Variants in CLCA1 observed in about 807,000 individuals in gnomAD.
CLCA1 encodes the protein calcium-activated chloride channel regulator 1.
In CLCA1, 59 loss-of-function variants were observed where a neutral mutation model predicts 85.6. The observed-to-expected ratio is 0.69, with a 90% CI of 0.56 to 0.86. The LOEUF (loss-of-function observed/expected upper bound fraction) is 0.86. Among genes scored for constraint, CLCA1 ranks in the 40% least tolerant of loss-of-function variants. The probability of loss-of-function intolerance (pLI) is 0.00; values close to 1 mark genes in which losing one functional copy is unlikely to be tolerated. For missense variants in CLCA1, 1,022 were observed against 1,101.4 expected (o/e 0.93, Z 1.02); for synonymous variants, 396 against 398.3 (o/e 0.99, Z 0.07).
intron 4 of CLCA1, among the ~76,000 whole-genome samples, chr1:86,477,960 C>T (rs930811456): frequency 6.6e-6 from 1 of 152,218 alleles, no homozygotes; most frequent in Non-Finnish European, 1.5e-5. Flanking sequence ...TCCTAACTGT[C>T]TTGACCTAGT....
chr1:86,476,806 TA>T (rs963376096), intron 4 of CLCA1, among the ~76,000 whole-genome samples: 4 of 152,138 alleles, frequency 2.6e-5, no homozygotes, highest in Admixed American at 6.5e-5. Flanking sequence ...GTACCAACTA[TA>T]AAAAATCTAC....
At chr1:86,474,486 G>A (rs1647591213) in intron 3 of CLCA1, among the ~76,000 whole-genome samples, 1 of 151,906 alleles carries the variant, frequency 6.6e-6, no homozygotes, top group South Asian at 2.1e-4. Flanking sequence ...CCCGGGAGGC[G>A]GAGGTTGTAG....
chr1:86,471,932 A>G (rs1393424809), intron 1 of CLCA1, among the ~76,000 whole-genome samples: 1 of 152,028 alleles, frequency 6.6e-6, no homozygotes, highest in Non-Finnish European at 1.5e-5. Context: ...TCTGCTCCTA[A>G]CACGACCCCC....
At chr1:86,482,106 G>T in intron 4 of CLCA1, 99 bp from the exon 5 acceptor site, 1 of 833,082 alleles carries the variant, frequency 1.2e-6, no homozygotes, top group Non-Finnish European at 1.9e-6. Flanking sequence ...GATCATGAGA[G>T]GAAAATCACA....
intron 5 of CLCA1, among the ~76,000 whole-genome samples, chr1:86,483,163 A>G (rs578115863): frequency 2.6e-5 from 4 of 152,318 alleles, no homozygotes; most frequent in African/African-American, 9.6e-5. Context: ...TCGTCCTTCA[A>G]TTTGGCATTG....
chr1:86,488,011 A>G (rs1648029105), intron 7 of CLCA1, among the ~76,000 whole-genome samples: 1 of 152,242 alleles, frequency 6.6e-6, no homozygotes. Context: ...AGCAACAGCA[A>G]CAGTCACTGT....
intron 12 of CLCA1, among the ~76,000 whole-genome samples, chr1:86,496,560 C>A (rs1362374613): frequency 6.6e-6 from 1 of 152,176 alleles, no homozygotes; most frequent in Non-Finnish European, 1.5e-5. Context: ...TCAATCTCCA[C>A]CCTGTCCTGG....
chr1:86,487,418 G>C (rs778765030), intron 7 of CLCA1, among the ~76,000 whole-genome samples: 1 of 150,636 alleles, frequency 6.6e-6, no homozygotes, highest in African/African-American at 2.4e-5. Flanking sequence ...TCAGATGAGC[G>C]AGAGAGAGAG....
chr1:86,475,184 C>T lies in CLCA1; in HGVS notation c.452-1264C>T, dbSNP rs551675184. Among the ~76,000 whole-genome samples the T allele has an allele frequency of 2.4e-4, 36 of 152,310 alleles. 1 individual carries two copies. Among genetic ancestry groups the T allele is most frequent in the African/African-American group, 8.2e-4 (34 of 41,574 alleles). On this transcript the variant is annotated intron_variant, in intron 3 of 13. Transcript: ENST00000394711. The stretch of plus-strand genomic sequence containing the variant: ...CCAGCCATCATGATCATATATAAAA[C>T]CATTCCTTAATAGTGTTTCCTTTCT...
rs1321441998 is a variant in CLCA1, at chr1:86,488,986, C to A, written c.1183-10C>A. ...AGTCTGATAACTCGTGCCCTAAATT[C>A]TGTCCTTAGGTGATTAGGAAGAAAT... is the stretch of plus-strand genomic sequence containing the variant. On this transcript the variant is annotated splice_polypyrimidine_tract_variant and intron_variant, in intron 7 of 13. Transcript: ENST00000394711. 6.2e-7 allele frequency: 1 copy of A among 1,610,210 alleles called. No homozygotes were observed. The highest frequency in any genetic ancestry group is 8.5e-7 in the Non-Finnish European group (1 of 1,177,628).
At chr1:86,489,451 T>A (rs975301476) in intron 8 of CLCA1, among the ~76,000 whole-genome samples, 1 of 152,204 alleles carries the variant, frequency 6.6e-6, no homozygotes, top group Admixed American at 6.5e-5. Flanking sequence ...TCCTTTCCAG[T>A]GGCAGCTGGC....
intron 1 of CLCA1, among the ~76,000 whole-genome samples, chr1:86,471,405 C>T (rs1278967198): frequency 6.6e-6 from 1 of 152,182 alleles, no homozygotes; most frequent in Non-Finnish European, 1.5e-5. Flanking sequence ...CACCCCCAAC[C>T]TTCTCTCAGC....
rs774455994 is a variant in CLCA1 at position 86,489,087 on chromosome 1, TCAAA to T, written c.1279_1282del (p.Gln427ValfsTer18). 5.0e-6 allele frequency: 8 copies of T among 1,613,848 alleles called. No homozygotes were observed. Among genetic ancestry groups the T allele is most frequent in the Non-Finnish European group, 6.8e-6 (8 of 1,179,996 alleles). On this transcript the variant is annotated frameshift_variant, in exon 8 of 14. Coordinates refer to ENST00000394711, the MANE Select transcript of CLCA1 (RefSeq NM_001285.4). LOFTEE classifies it high-confidence loss of function. Reference sequence around the variant, plus strand: ...ACTATAAGTGGGTGCTTTAACGAGGTCAAACAAAGTGGTGCCATCATCCACACAG... The same window carrying T: ...ACTATAAGTGGGTGCTTTAACGAGGTCAAAGTGGTGCCATCATCCACACAG...
At chr1:86,482,491 A>G in intron 5 of CLCA1, 109 bp downstream of exon 5, 2 of 1,044,200 alleles carry the variant, frequency 1.9e-6, no homozygotes, top group Non-Finnish European at 2.8e-6. Context: ...ATCAGTGAGC[A>G]GTGGATTATC....
At chr1:86,497,493 G>T (rs957912334) in intron 12 of CLCA1, among the ~76,000 whole-genome samples, 2 of 152,158 alleles carry the variant, frequency 1.3e-5, no homozygotes, top group Non-Finnish European at 2.9e-5. Context: ...TCTACAGATT[G>T]AACAGACCAG....
Position 86,499,534 on chromosome 1 carries a change from GTGA to G in CLCA1, c.2354-115_2354-113del. 4.7e-6 allele frequency: 3 copies of G among 641,264 alleles called. No homozygotes were observed. In the South Asian group the frequency reaches 6.4e-5, roughly 14 times the overall value. The allele number at this position is 641,264 out of a possible 1,614,324, so 39.7% of individuals were successfully genotyped here. On this transcript the variant is annotated intron_variant, in intron 13 of 13. Transcript: ENST00000394711. ...TTCATTTATTTGGGAACCTTATGGG[GTGA>G]TGATATAATTTCTCATAGACTTTTA...
intron 4 of CLCA1, among the ~76,000 whole-genome samples, chr1:86,481,246 C>T (rs1647812567): frequency 6.6e-6 from 1 of 152,034 alleles, no homozygotes; most frequent in East Asian, 1.9e-4. Context: ...AAGCAATTCT[C>T]GTGCCTTAGC....
rs761585696 is a variant in CLCA1, at chr1:86,489,115, A to G, written c.1302A>G (p.Thr434=). 2.5e-6 allele frequency: 4 copies of G among 1,614,110 alleles called. No homozygotes were observed. Among genetic ancestry groups the G allele is most frequent in the South Asian group, 2.2e-5 (2 of 91,078 alleles). The change falls in exon 8 of 14, where the codon ACA becomes ACG. Residue 434 remains threonine, a synonymous_variant. Coordinates refer to ENST00000394711, the MANE Select transcript of CLCA1 (RefSeq NM_001285.4). Reference sequence around the variant, plus strand: ...AACAAAGTGGTGCCATCATCCACACAGTCGCTTTGGGGCCCTCTGCAGCTC... The same window carrying G: ...AACAAAGTGGTGCCATCATCCACACGGTCGCTTTGGGGCCCTCTGCAGCTC... ...EVKQSGAIIH[T]VALGPSAAQE...
Position 86,469,089 on chromosome 1 carries a change from G to T in CLCA1, c.118G>T (p.Asp40Tyr). 1 of 1,611,392 alleles carries T rather than the reference G, an allele frequency of 6.2e-7. No individual in the cohort carries two copies. The highest frequency in any genetic ancestry group is 8.5e-7 in the Non-Finnish European group (1 of 1,178,412). ...CTATGAAGGCATTGTCGTTGCAATCGACCCCAATGTGCCAGAAGATGAAAC... is the reference window on the plus strand; with the variant it reads ...CTATGAAGGCATTGTCGTTGCAATCTACCCCAATGTGCCAGAAGATGAAAC... ...NGYEGIVVAI[D>Y]PNVPEDETLI... Residue 40 changes from aspartate to tyrosine, a missense_variant, in exon 1 of 14, where the codon GAC (aspartate) becomes TAC (tyrosine). Physicochemically the swap from Asp to Tyr is radical, Grantham distance 160. Transcript: ENST00000394711.
Sources: gnomAD v4.1 joint callset for allele counts (sites outside exome capture counted in the v4.1 genomes callset) on GRCh38, gnomAD v4.1.1 for gene constraint, MANE v1.5 for transcripts, NCBI Gene and HGNC (gene_info 2026-07-23, HGNC 2026-07-21) for gene names.